LEMD1: variants seen among roughly 807,000 people sequenced by gnomAD.
LEMD1 encodes LEM domain-containing protein 1.
A neutral mutation model predicts 17.4 loss-of-function variants in LEMD1; 18 were observed. The ratio of observed to expected loss-of-function variants is 1.04; its 90% CI spans 0.72 to 1.54. The LOEUF is 1.54. Ranked by LOEUF, LEMD1 falls within the 40% of genes most tolerant of loss-of-function variation. LEMD1 has a pLI of 0.00. For missense variants in LEMD1, 195 were observed against 210.4 expected (o/e 0.93, Z 0.45); for synonymous variants, 88 against 77.8 (o/e 1.13, Z -0.69).
intron 4 of LEMD1, among the ~76,000 whole-genome samples, chr1:205,410,826 C>T (rs1665356345): frequency 6.6e-6 from 1 of 151,254 alleles, no homozygotes; most frequent in African/African-American, 2.4e-5. Flanking sequence ...ATGATGATGC[C>T]ACTGCACTCC....
chr1:205,444,171 G>A (rs1666343792), intron 1 of LEMD1, among the ~76,000 whole-genome samples: 1 of 152,016 alleles, frequency 6.6e-6, no homozygotes, highest in South Asian at 2.1e-4. Flanking sequence ...GAGGGACTAA[G>A]GAATGGAAAA....
intron 4 of LEMD1, among the ~76,000 whole-genome samples, chr1:205,413,094 G>A (rs1312714984): frequency 1.3e-5 from 2 of 152,138 alleles, no homozygotes; most frequent in Admixed American, 6.5e-5. Flanking sequence ...ACATGGCAAT[G>A]TTTACTTGAA....
chr1:205,445,079 C>T (rs772021623), intron 1 of LEMD1, among the ~76,000 whole-genome samples: 137 of 152,264 alleles, frequency 9.0e-4, no homozygotes, highest in Non-Finnish European at 1.7e-3. Context: ...GAAGCAGCTG[C>T]GGCTTAGGAG....
rs138073015 is a variant in LEMD1 at position 205,407,102 on chromosome 1, C to T, written c.270+9130G>A. ...ATCCCAGCACTTTGAGAGCCTGAGG[C>T]GGGTGGATCACGAGGTCAGGAGTTC... On this transcript the variant is annotated intron_variant, in intron 4 of 5. Coordinates refer to ENST00000367153, the MANE Select transcript of LEMD1 (RefSeq NM_001199050.2). Among the ~76,000 whole-genome samples the T allele has an allele frequency of 8.4e-3, 1,274 of 152,060 alleles. 12 individuals are homozygous for T. The highest frequency in any genetic ancestry group is 0.029 in the African/African-American group (1,211 of 41,478).
At chr1:205,391,539 A>G (rs778644175) in intron 4 of LEMD1, among the ~76,000 whole-genome samples, 3 of 152,212 alleles carry the variant, frequency 2.0e-5, no homozygotes, top group Non-Finnish European at 4.4e-5. Context: ...CAAACAGCCC[A>G]TCTCCGCCCC....
At chr1:205,393,998 C>T (rs546121457) in intron 4 of LEMD1, among the ~76,000 whole-genome samples, 5 of 152,076 alleles carry the variant, frequency 3.3e-5, no homozygotes, top group African/African-American at 1.2e-4. Flanking sequence ...GTGGTATATA[C>T]ATATAATGGA....
intron 1 of LEMD1, among the ~76,000 whole-genome samples, chr1:205,447,231 T>C (rs993108239): frequency 6.6e-6 from 1 of 152,224 alleles, no homozygotes; most frequent in Non-Finnish European, 1.5e-5. Context: ...TAGCTCCCTG[T>C]GCCTCAGAAT....
chr1:205,406,510 C>A (rs1001799855), intron 4 of LEMD1, among the ~76,000 whole-genome samples: 6 of 152,254 alleles, frequency 3.9e-5, no homozygotes, highest in African/African-American at 1.4e-4. Context: ...CCCTCACATC[C>A]AGGTGTGGGA....
rs968328678 is a variant in LEMD1 at position 205,437,703 on chromosome 1, G to A, written c.-39+12165C>T. 8 of 152,340 alleles carry A rather than the reference G, an allele frequency of 5.3e-5. No individual in the cohort carries two copies. The East Asian group carries it at 1.2e-3, about 22-fold the overall frequency. 9.4% of individuals were successfully genotyped at this position (152,340 alleles called of 1,614,324 possible). A position where few individuals can be genotyped will look rare whatever the true frequency, so the allele number is the denominator to read the frequency against. On this transcript the variant is annotated intron_variant, in intron 1 of 3. Coordinates refer to the LEMD1 transcript ENST00000367154. ...TGAGGCTCAACTTCCCAGACTCACA[G>A]AGCCCTGGACTCCAAAGGAGACTTA...
chr1:205,387,629 A>T (rs888849520), intron 4 of LEMD1, among the ~76,000 whole-genome samples: 3 of 152,346 alleles, frequency 2.0e-5, no homozygotes, highest in Admixed American at 2.0e-4. Context: ...TCTTCTCCTT[A>T]GGCCCAGAGC....
At chr1:205,433,704 C>T (rs1038554396) in intron 1 of LEMD1, among the ~76,000 whole-genome samples, 1 of 152,194 alleles carries the variant, frequency 6.6e-6, no homozygotes, top group Admixed American at 6.5e-5. Flanking sequence ...GATGGAAAGG[C>T]TTGGGGTCAT....
At chr1:205,391,508 T>C (rs1664332196) in intron 4 of LEMD1, among the ~76,000 whole-genome samples, 1 of 152,204 alleles carries the variant, frequency 6.6e-6, no homozygotes. Flanking sequence ...AATTTTTTGA[T>C]GTTAACTGCC....
At chr1:205,402,311 G>A (rs1014342974) in intron 4 of LEMD1, among the ~76,000 whole-genome samples, 4 of 152,186 alleles carry the variant, frequency 2.6e-5, no homozygotes, top group Non-Finnish European at 5.9e-5. Flanking sequence ...CCATTTTCAC[G>A]ATATTGATTC....
rs952764590 is a variant in LEMD1 at position 205,441,562 on chromosome 1, T to C, written c.-39+8306A>G. The stretch of plus-strand genomic sequence containing the variant: ...TCCAGTGTAGCTTTACTTTGACACC[T>C]GGGACCGAGTCAGATTCCTCCCTTC... On this transcript the variant is annotated intron_variant, in intron 1 of 3. Coordinates refer to the LEMD1 transcript ENST00000367154. The surrounding 1 kb of genome is among the most constrained non-coding windows in gnomAD (Gnocchi z 4.3). Among the ~76,000 whole-genome samples, 1 of 152,168 alleles carries C rather than the reference T, an allele frequency of 6.6e-6. No individual in the cohort carries two copies. Among genetic ancestry groups the C allele is most frequent in the Non-Finnish European group, 1.5e-5 (1 of 68,022 alleles).
chr1:205,411,426 G>A (rs142259865), intron 4 of LEMD1, among the ~76,000 whole-genome samples: 1 of 151,850 alleles, frequency 6.6e-6, no homozygotes, highest in East Asian at 1.9e-4. Context: ...GTGGTGGCGG[G>A]CGCATGTAGT....
chr1:205,437,647 G>A (rs180878910), intron 1 of LEMD1: 86 of 152,298 alleles, frequency 5.6e-4, no homozygotes, highest in African/African-American at 2.0e-3. Flanking sequence ...GGAAACCTGC[G>A]ACCCTCTGGT....
intron 4 of LEMD1, among the ~76,000 whole-genome samples, chr1:205,415,099 C>A (rs1229087356): frequency 6.6e-6 from 1 of 152,126 alleles, no homozygotes; most frequent in Non-Finnish European, 1.5e-5. Context: ...ACCCAGGCCG[C>A]AGATGCAGGT....
intron 1 of LEMD1, among the ~76,000 whole-genome samples, chr1:205,420,949 GTTT>G (rs5780280): frequency 3.7e-4 from 52 of 139,692 alleles, no homozygotes; most frequent in African/African-American, 1.2e-3. Context: ...GAGCTGAGAG[GTTT>G]TTTTTTTTTT....
At chr1:205,412,266 T>A (rs1665487440) in intron 4 of LEMD1, among the ~76,000 whole-genome samples, 1 of 152,086 alleles carries the variant, frequency 6.6e-6, no homozygotes, top group African/African-American at 2.4e-5. Context: ...TGACTTAATG[T>A]CCCACTCCGT....
Sources: allele counts gnomAD v4.1 joint callset (sites outside exome capture counted in the v4.1 genomes callset), GRCh38; gene constraint gnomAD v4.1.1; non-coding constraint Gnocchi (gnomAD v3.1); transcripts MANE v1.5; gene names NCBI Gene and HGNC (gene_info 2026-07-23, HGNC 2026-07-21).